The following KLHL13 variants were observed in gnomAD, a reference collection of about 807,000 sequenced individuals.
The protein encoded by KLHL13 is kelch like family member 13.
KLHL13 carries 10 observed loss-of-function variants against 37.1 expected under a neutral mutation model. The observed-to-expected ratio is 0.27, with a 90% CI of 0.17 to 0.46. The LOEUF is 0.46. KLHL13 is among the 20% of genes least tolerant of loss of function. The pLI is 1.00. For missense variants in KLHL13, 360 were observed against 509.3 expected, an observed-to-expected ratio of 0.71 and a Z score of 2.82; for synonymous variants, 163 against 181.2, an observed-to-expected ratio of 0.90 and a Z score of 0.81.
intron 1 of KLHL13, among the ~76,000 whole-genome samples, chrX:118,077,465 C>T (rs1049571845): frequency 9.2e-6 from 1 of 108,515 alleles, no homozygotes; most frequent in Non-Finnish European, 1.9e-5. Flanking sequence ...GGACCAGGGA[C>T]GTAGGGGGTG....
At chrX:118,066,070 T>C (rs1024709359) in intron 1 of KLHL13, among the ~76,000 whole-genome samples, 5 of 111,764 alleles carry the variant, frequency 4.5e-5, no homozygotes, top group Non-Finnish European at 9.4e-5. Context: ...ATTTATTTAG[T>C]AGTGGAGGTG....
intron 4 of KLHL13, among the ~76,000 whole-genome samples, chrX:117,912,324 A>G (rs868868765): frequency 1.1e-4 from 12 of 112,133 alleles, no homozygotes; most frequent in Non-Finnish European, 1.3e-4. Flanking sequence ...AAGAATGGGT[A>G]CTTTAAGAAG....
At chrX:118,112,530 C>T (rs2055423455) in intron 1 of KLHL13, among the ~76,000 whole-genome samples, 1 of 111,744 alleles carries the variant, frequency 8.9e-6, no homozygotes, top group South Asian at 3.8e-4. Context: ...CCACTGTGCA[C>T]GTACTCTATG....
chrX:118,056,281 C>A (rs964762025), intron 1 of KLHL13, among the ~76,000 whole-genome samples: 4 of 111,910 alleles, frequency 3.6e-5, no homozygotes. Flanking sequence ...ATTCTGGCAA[C>A]TATAAAACAT....
intron 4 of KLHL13, among the ~76,000 whole-genome samples, chrX:117,916,698 T>C (rs112883180): frequency 4.5e-5 from 5 of 112,302 alleles, no homozygotes; most frequent in African/African-American, 1.6e-4. Flanking sequence ...ACTGTTCTTC[T>C]TCCTCCACAC....
intron 1 of KLHL13, among the ~76,000 whole-genome samples, chrX:118,063,499 T>C (rs1183682310): frequency 9.0e-6 from 1 of 111,510 alleles, no homozygotes; most frequent in East Asian, 2.8e-4. Flanking sequence ...GGCCAGTAAC[T>C]CAGGGTTACT....
chrX:118,023,317 T>G (rs186146121), intron 1 of KLHL13, among the ~76,000 whole-genome samples: 3 of 111,612 alleles, frequency 2.7e-5, no homozygotes, highest in African/African-American at 9.7e-5. Flanking sequence ...TTCAGAGAGA[T>G]AATTTTTTCA....
chrX:118,036,663 C>T (rs190807915), intron 1 of KLHL13, among the ~76,000 whole-genome samples: 65 of 111,311 alleles, frequency 5.8e-4, no homozygotes, highest in African/African-American at 2.0e-3. Flanking sequence ...TAGGCATTAC[C>T]ATTCAGGACA....
chrX:117,934,456 T>C (rs1355760942), intron 2 of KLHL13, among the ~76,000 whole-genome samples: 1 of 110,893 alleles, frequency 9.0e-6, no homozygotes, highest in Admixed American at 9.6e-5. Flanking sequence ...CAAACCCTTC[T>C]AGGCATTTTC....
At chrX:118,057,840 G>A (rs1467500919) in intron 1 of KLHL13, among the ~76,000 whole-genome samples, 1 of 109,776 alleles carries the variant, frequency 9.1e-6, no homozygotes, top group Non-Finnish European at 1.9e-5. Context: ...AAAAAAAAGT[G>A]AAAAATCCTA....
At chrX:117,998,235 T>G (rs1431960258) in intron 1 of KLHL13, among the ~76,000 whole-genome samples, 1 of 111,880 alleles carries the variant, frequency 8.9e-6, no homozygotes, top group Non-Finnish European at 1.9e-5. Context: ...CTAAAAGATA[T>G]TTGAATTTTT....
chrX:117,982,852 T>C (rs911817119), intron 1 of KLHL13, among the ~76,000 whole-genome samples: 2 of 111,649 alleles, frequency 1.8e-5, no homozygotes, highest in African/African-American at 6.5e-5. Flanking sequence ...ATATGAACAC[T>C]GGCTGCTCAA....
rs971691805 is a variant in KLHL13, at chrX:118,116,062, G to A, written c.-56+446C>T. 2.7e-4 allele frequency among the ~76,000 whole-genome samples: 30 copies of A among 112,237 alleles called. No homozygotes were observed. The East Asian group carries it at 8.2e-3, about 31-fold the overall frequency. On this transcript the variant is annotated intron_variant, in intron 1 of 6. Transcript: ENST00000371882. ...GCTCCTGACTTGGGAGCCAGCAGAGGAGCCTCCTAAGTTAGAAGATTCTGA... is the reference window on the plus strand; with the variant it reads ...GCTCCTGACTTGGGAGCCAGCAGAGAAGCCTCCTAAGTTAGAAGATTCTGA...
At chrX:117,904,425 C>A (rs1185671469) in intron 5 of KLHL13, among the ~76,000 whole-genome samples, 1 of 110,880 alleles carries the variant, frequency 9.0e-6, no homozygotes, top group Non-Finnish European at 1.9e-5. Context: ...TGATGCAAGG[C>A]AAAGAGTTGG....
chrX:117,972,111 T>G (rs2053533320), intron 1 of KLHL13, among the ~76,000 whole-genome samples: 1 of 111,984 alleles, frequency 8.9e-6, no homozygotes, highest in African/African-American at 3.2e-5. Context: ...AAAACAGACA[T>G]TTGTAGAATA....
chrX:117,947,534 A>G (rs750454283), intron 1 of KLHL13: 1 of 112,370 alleles, frequency 8.9e-6, no homozygotes, highest in East Asian at 2.8e-4. Context: ...ACTACAAGTA[A>G]CAACTTATTT....
chrX:117,913,574 G>A (rs184976854), intron 4 of KLHL13, among the ~76,000 whole-genome samples: 10,356 of 111,772 alleles, frequency 0.093, 437 homozygotes, highest in African/African-American at 0.16. Context: ...GGCCGGGGGC[G>A]GTGGCTCACG....
chrX:118,096,649 G>C (rs1345266422), intron 1 of KLHL13, among the ~76,000 whole-genome samples: 4 of 111,478 alleles, frequency 3.6e-5, no homozygotes, highest in African/African-American at 6.5e-5. Flanking sequence ...AGACCAATAT[G>C]CCTGATGAAC....
chrX:117,983,396 T>C, intron 1 of KLHL13: 1 of 528,661 alleles, frequency 1.9e-6, no homozygotes, highest in Non-Finnish European at 3.0e-6. Context: ...AACTGTCTTC[T>C]AGTATTCTCA....
Sources: allele counts gnomAD v4.1 joint callset (sites outside exome capture counted in the v4.1 genomes callset), GRCh38; gene constraint gnomAD v4.1.1; transcripts MANE v1.5; gene names NCBI Gene and HGNC (gene_info 2026-07-23, HGNC 2026-07-21).